The following RIT2 variants were observed in gnomAD, a reference collection of about 807,000 sequenced individuals.
RIT2 encodes the protein Ras like without CAAX 2.
Under a neutral mutation model 23.7 loss-of-function variants are expected in RIT2, and 24 were observed. That is an observed-to-expected ratio of 1.01 (90% CI 0.73 to 1.43). The LOEUF (loss-of-function observed/expected upper bound fraction) is 1.43, where lower values mean the gene tolerates loss of function less well. Ranked by LOEUF, RIT2 falls within the 40% of genes most tolerant of loss-of-function variation. The pLI, the probability that RIT2 is intolerant of heterozygous loss-of-function variation, is 0.00. For missense variants in RIT2, 236 were observed against 266.9 expected, an observed-to-expected ratio of 0.88 and a Z score of 0.81; for synonymous variants, 107 against 91.1, an observed-to-expected ratio of 1.17 and a Z score of -0.99.
intron 1 of RIT2, among the ~76,000 whole-genome samples, chr18:43,093,116 G>T (rs1407687682): frequency 5.9e-5 from 9 of 151,984 alleles, no homozygotes; most frequent in African/African-American, 1.9e-4. Flanking sequence ...TCTTGAAAAA[G>T]AATATGTGAG....
At chr18:42,760,935 G>A (rs1303445605) in intron 4 of RIT2, among the ~76,000 whole-genome samples, 1 of 152,274 alleles carries the variant, frequency 6.6e-6, no homozygotes, top group Non-Finnish European at 1.5e-5. Flanking sequence ...TTCTAATATA[G>A]TTGACTTTAT....
At chr18:42,871,747 G>A (rs1471735222) in intron 4 of RIT2, among the ~76,000 whole-genome samples, 1 of 152,208 alleles carries the variant, frequency 6.6e-6, no homozygotes, top group African/African-American at 2.4e-5. Context: ...AGTGTGCTGG[G>A]CTTACAAGTG....
At chr18:42,900,852 G>A (rs756722179) in intron 4 of RIT2, among the ~76,000 whole-genome samples, 9 of 152,186 alleles carry the variant, frequency 5.9e-5, no homozygotes, top group East Asian at 1.9e-4. Flanking sequence ...CAGGTAAAGC[G>A]GGGGTGAATG....
chr18:42,988,023 T>C (rs541885093), intron 2 of RIT2, among the ~76,000 whole-genome samples: 1 of 152,232 alleles, frequency 6.6e-6, no homozygotes, highest in South Asian at 2.1e-4. Flanking sequence ...CAACATGATA[T>C]TTGGAAGGGA....
intron 2 of RIT2, among the ~76,000 whole-genome samples, chr18:43,011,392 T>C (rs911578758): frequency 2.0e-5 from 3 of 151,822 alleles, no homozygotes; most frequent in Non-Finnish European, 2.9e-5. Context: ...GGCAGCTATA[T>C]GGAAGACAGA....
intron 4 of RIT2, among the ~76,000 whole-genome samples, chr18:42,770,156 T>A (rs901101709): frequency 6.6e-6 from 1 of 152,140 alleles, no homozygotes; most frequent in Non-Finnish European, 1.5e-5. Flanking sequence ...AATTGTCCTG[T>A]GGGATCTCCA....
intron 4 of RIT2, among the ~76,000 whole-genome samples, chr18:42,856,827 C>CTTTTTTTTTT (rs756725926): frequency 1.4e-4 from 16 of 114,612 alleles, no homozygotes; most frequent in African/African-American, 5.7e-4. Context: ...CTCTCTCTCT[C>CTTTTTTTTTT]TTTTTTTTTT....
chr18:42,787,330 G>A (rs1043437076), intron 4 of RIT2, among the ~76,000 whole-genome samples: 1 of 151,714 alleles, frequency 6.6e-6, no homozygotes, highest in African/African-American at 2.4e-5. Context: ...TATGTAAATG[G>A]CGAGTTAATG....
chr18:42,769,310 T>A (rs56329467), intron 4 of RIT2, among the ~76,000 whole-genome samples: 2 of 152,204 alleles, frequency 1.3e-5, no homozygotes, highest in Admixed American at 6.5e-5. Flanking sequence ...ATTGGTATTC[T>A]GTAAAGACTG....
rs1045291582 is a variant in RIT2, at chr18:42,954,560, C to G, written c.234+19514G>C. 5.9e-5 allele frequency among the ~76,000 whole-genome samples: 9 copies of G among 152,168 alleles called. No individual in the cohort carries two copies. In the East Asian group the frequency reaches 1.4e-3, roughly 23 times the overall value. On this transcript the variant is annotated intron_variant, in intron 3 of 4. Transcript: ENST00000326695. ...CATGTTCCTCCTTATTCAAGACACACAGCCTCACAAGCTCCATATAATGTA... is the reference window on the plus strand; with the variant it reads ...CATGTTCCTCCTTATTCAAGACACAGAGCCTCACAAGCTCCATATAATGTA...
intron 1 of RIT2, among the ~76,000 whole-genome samples, chr18:43,082,309 G>T (rs1913175980): frequency 6.6e-6 from 1 of 152,022 alleles, no homozygotes; most frequent in Non-Finnish European, 1.5e-5. Context: ...ACAAAGAAGA[G>T]CTGGTAACAT....
intron 1 of RIT2, among the ~76,000 whole-genome samples, chr18:43,060,800 C>T (rs559417457): frequency 6.6e-6 from 1 of 152,220 alleles, no homozygotes; most frequent in South Asian, 2.1e-4. Flanking sequence ...TTTATGCTGA[C>T]AATCAAAATC....
intron 3 of RIT2, among the ~76,000 whole-genome samples, chr18:42,929,677 T>A (rs1160606632): frequency 6.6e-6 from 1 of 152,082 alleles, no homozygotes; most frequent in Non-Finnish European, 1.5e-5. Flanking sequence ...TCAAAAATAA[T>A]TAAGAATTTC....
intron 4 of RIT2, among the ~76,000 whole-genome samples, chr18:42,896,688 C>T (rs961738261): frequency 2.0e-5 from 3 of 152,180 alleles, no homozygotes; most frequent in African/African-American, 7.2e-5. Flanking sequence ...GATAAGAAGT[C>T]TAGATTGTCT....
At chr18:42,790,862 T>C (rs1914027993) in intron 4 of RIT2, among the ~76,000 whole-genome samples, 1 of 152,230 alleles carries the variant, frequency 6.6e-6, no homozygotes, top group Admixed American at 6.5e-5. Flanking sequence ...AGCTGAGACA[T>C]TGTTGACTCT....
rs141249669 is a variant in RIT2, at chr18:43,108,224, T to C, written c.103+7193A>G. On this transcript the variant is annotated intron_variant, in intron 1 of 4. Transcript: ENST00000326695. The stretch of plus-strand genomic sequence containing the variant: ...GTTAGAACTCAGGTTCACTGTATCA[T>C]GTCTTCAAAAAATAAAAACTTTCAG... 4.1e-3 allele frequency among the ~76,000 whole-genome samples: 628 copies of C among 151,418 alleles called. 17 individuals carry two copies. Among genetic ancestry groups the C allele is most frequent in the Admixed American group, 0.033 (504 of 15,222 alleles).
chr18:42,999,361 C>T (rs1428150853), intron 2 of RIT2, among the ~76,000 whole-genome samples: 1 of 152,004 alleles, frequency 6.6e-6, no homozygotes, highest in Admixed American at 6.6e-5. Context: ...AGAGTACAAT[C>T]CTAGATGGTC....
chr18:43,111,961 A>C (rs1913963773), intron 1 of RIT2, among the ~76,000 whole-genome samples: 1 of 151,744 alleles, frequency 6.6e-6, no homozygotes, highest in South Asian at 2.1e-4. Context: ...ATTCTTGGAC[A>C]ATATTACATA....
At chr18:42,748,732 A>G (rs1477045311) in intron 4 of RIT2, among the ~76,000 whole-genome samples, 3 of 151,976 alleles carry the variant, frequency 2.0e-5, no homozygotes, top group African/African-American at 7.2e-5. Context: ...TAAAGGCATA[A>G]GAAAGATACA....
Sources: gnomAD v4.1 joint callset for allele counts (sites outside exome capture counted in the v4.1 genomes callset) on GRCh38, gnomAD v4.1.1 for gene constraint, MANE v1.5 for transcripts, NCBI Gene and HGNC (gene_info 2026-07-23, HGNC 2026-07-21) for gene names.